The following KLF13 variants were observed in gnomAD, a reference collection of about 807,000 sequenced individuals.
The protein encoded by KLF13 is Krueppel-like factor 13.
A neutral mutation model predicts 16.7 loss-of-function variants in KLF13; 8 were observed. The observed-to-expected ratio is 0.48, with a 90% confidence interval of 0.28 to 0.87. The LOEUF (loss-of-function observed/expected upper bound fraction) is 0.87, where lower values mean the gene tolerates loss of function less well. Among genes scored for constraint, KLF13 ranks in the 40% least tolerant of loss-of-function variants. The probability of loss-of-function intolerance (pLI) is 0.10; values close to 1 mark genes in which losing one functional copy is unlikely to be tolerated. For synonymous variants in KLF13, 245 were observed against 208.4 expected, an observed-to-expected ratio of 1.18 and a Z score of -1.51; for missense variants, 447 against 452.2, an observed-to-expected ratio of 0.99 and a Z score of 0.10.
intron 1 of KLF13, among the ~76,000 whole-genome samples, chr15:31,336,086 C>A (rs1344400667): frequency 6.6e-6 from 1 of 152,244 alleles, no homozygotes; most frequent in Admixed American, 6.5e-5. Flanking sequence ...TCTCCCCCGA[C>A]CCCAGCGTAC....
At chr15:31,353,156 C>A (rs904410402) in intron 1 of KLF13, among the ~76,000 whole-genome samples, 4 of 152,154 alleles carry the variant, frequency 2.6e-5, no homozygotes, top group African/African-American at 9.7e-5. Context: ...TGGTCTGTCA[C>A]TTAGGGAGTT....
chr15:31,374,078 C>T lies in KLF13; in HGVS notation c.*1779C>T, dbSNP rs2039603793. 1 of 152,788 alleles carries T rather than the reference C, an allele frequency of 6.5e-6. No homozygotes were observed. The highest frequency in any genetic ancestry group is 2.4e-5 in the African/African-American group (1 of 41,438). 9.5% of individuals were successfully genotyped at this position (152,788 alleles called of 1,614,324 possible). The stretch of plus-strand genomic sequence containing the variant: ...AGCCCTGCCATGCTATGGGGTGCAG[C>T]ACAAACCCAGGACCCAGGCCTAGCC... On this transcript the variant is annotated 3_prime_UTR_variant, in exon 2 of 2. Coordinates refer to ENST00000307145, the MANE Select transcript of KLF13 (RefSeq NM_015995.4).
chr15:31,423,493 G>A (rs960329349), intron 1 of KLF13, among the ~76,000 whole-genome samples: 2 of 151,900 alleles, frequency 1.3e-5, no homozygotes, highest in East Asian at 3.9e-4. Context: ...TTAGCCGGGT[G>A]TGGTGGTGGG....
chr15:31,341,232 T>C (rs913208970), intron 1 of KLF13, among the ~76,000 whole-genome samples: 1 of 152,222 alleles, frequency 6.6e-6, no homozygotes, highest in Non-Finnish European at 1.5e-5. Context: ...TGGGACAGGC[T>C]GAGCCCATCT....
chr15:31,327,951 CCG>C (rs1237353341), intron 1 of KLF13, among the ~76,000 whole-genome samples, 162 bp downstream of exon 1: 1 of 147,914 alleles, frequency 6.8e-6, no homozygotes, highest in East Asian at 2.0e-4. Context: ...GCGGCTGGCC[CCG>C]CGCGTCGCGC....
intron 1 of KLF13, among the ~76,000 whole-genome samples, chr15:31,336,886 A>G (rs2038938308): frequency 6.6e-6 from 1 of 152,176 alleles, no homozygotes; most frequent in South Asian, 2.1e-4. Flanking sequence ...CCTGGGCATC[A>G]TAGCAACAAC....
chr15:31,416,217 T>G (rs953378405), intron 1 of KLF13, among the ~76,000 whole-genome samples: 1 of 152,074 alleles, frequency 6.6e-6, no homozygotes, highest in African/African-American at 2.4e-5. Flanking sequence ...ACTTCATCAC[T>G]GAATTCTACC....
chr15:31,342,154 C>T (rs1420016348), intron 1 of KLF13, among the ~76,000 whole-genome samples: 1 of 152,152 alleles, frequency 6.6e-6, no homozygotes, highest in Non-Finnish European at 1.5e-5. Context: ...TGGACAAGTC[C>T]ACCTCTCTGA....
At chr15:31,335,625 C>T (rs1365418066) in intron 1 of KLF13, among the ~76,000 whole-genome samples, 2 of 152,176 alleles carry the variant, frequency 1.3e-5, no homozygotes, top group East Asian at 1.9e-4. Context: ...TTATTGTTCT[C>T]CATTTTTGAA....
chr15:31,350,986 T>C (rs2140947778), intron 1 of KLF13, among the ~76,000 whole-genome samples: 1 of 152,294 alleles, frequency 6.6e-6, no homozygotes, highest in African/African-American at 2.4e-5. Flanking sequence ...TGGATGGACA[T>C]CCGAGTAAGA....
intron 1 of KLF13, among the ~76,000 whole-genome samples, chr15:31,415,544 G>A (rs898556519): frequency 6.6e-6 from 1 of 151,920 alleles, no homozygotes; most frequent in Non-Finnish European, 1.5e-5. Flanking sequence ...ATAACCAATA[G>A]GACAAAGAAA....
At chr15:31,369,013 A>C (rs560640880) in intron 1 of KLF13, among the ~76,000 whole-genome samples, 1 of 152,172 alleles carries the variant, frequency 6.6e-6, no homozygotes, top group Non-Finnish European at 1.5e-5. Context: ...TGATTTATCA[A>C]ATTTAGATAT....
At chr15:31,431,973 CG>C (rs1456990336) in intron 1 of KLF13, among the ~76,000 whole-genome samples, 1 of 151,664 alleles carries the variant, frequency 6.6e-6, no homozygotes, top group African/African-American at 2.4e-5. Context: ...GGGAAGGGCA[CG>C]GGGATGGAGG....
At chr15:31,365,393 T>G (rs2039450372) in intron 1 of KLF13, among the ~76,000 whole-genome samples, 1 of 152,118 alleles carries the variant, frequency 6.6e-6, no homozygotes, top group East Asian at 1.9e-4. Context: ...ATTTCTTCCC[T>G]TCTCCCTTCC....
chr15:31,361,230 C>T (rs1010580650), intron 1 of KLF13, among the ~76,000 whole-genome samples: 1 of 152,152 alleles, frequency 6.6e-6, no homozygotes, highest in Admixed American at 6.5e-5. Context: ...CTTGCTCCTC[C>T]TGGAACGTGA....
chr15:31,409,550 G>A (rs2040166758), downstream of KLF13, among the ~76,000 whole-genome samples: 1 of 151,836 alleles, frequency 6.6e-6, no homozygotes, highest in African/African-American at 2.4e-5. Flanking sequence ...AAGAAGGAAA[G>A]AAGGAAGAGA....
At position 31,424,875 on chromosome 15, in the gene KLF13, TCACA is replaced by T. The variant is rs71110875; in HGVS notation, n.118-10468_118-10465del. 6.2e-3 allele frequency among the ~76,000 whole-genome samples: 903 copies of T among 146,308 alleles called. 13 individuals carry two copies. The highest frequency in any genetic ancestry group is 0.021 in the African/African-American group (821 of 39,234). ...TTATATGTAGAAAATTCTAGAGATT[TCACA>T]CACACACACACACACACACACACAC... On this transcript the variant is annotated intron_variant and non_coding_transcript_variant, in intron 1 of 1. Coordinates refer to the KLF13 transcript ENST00000558225.
intron 1 of KLF13, among the ~76,000 whole-genome samples, chr15:31,412,692 G>GCA (rs1274523058): frequency 1.7e-4 from 2 of 11,988 alleles, no homozygotes; most frequent in Admixed American, 9.4e-4. Flanking sequence ...TCCAGCTCGT[G>GCA]ATTTCTTAAA....
intron 1 of KLF13, among the ~76,000 whole-genome samples, chr15:31,411,179 C>G (rs903073808): frequency 2.6e-5 from 4 of 152,124 alleles, no homozygotes; most frequent in African/African-American, 9.7e-5. Context: ...ATGAAGAAAA[C>G]TACAAGCTGT....
Sources: gnomAD v4.1 joint callset for allele counts (sites outside exome capture counted in the v4.1 genomes callset) on GRCh38, gnomAD v4.1.1 for gene constraint, MANE v1.5 for transcripts, NCBI Gene and HGNC (gene_info 2026-07-23, HGNC 2026-07-21) for gene names.